NEMP2: variants seen among roughly 807,000 people sequenced by gnomAD.
The protein encoded by NEMP2 is UPF0571 transmembrane protein.
In NEMP2, 53 loss-of-function variants were observed where a neutral mutation model predicts 54.2. The observed-to-expected ratio is 0.98, with a 90% confidence interval of 0.78 to 1.23. NEMP2 has a LOEUF of 1.23. Among genes scored for constraint, NEMP2 ranks in the 50% most tolerant of loss-of-function variants. NEMP2 has a pLI of 0.00. For synonymous variants in NEMP2, 197 were observed against 190.3 expected, an observed-to-expected ratio of 1.04 and a Z score of -0.29; for missense variants, 455 against 511.3, an observed-to-expected ratio of 0.89 and a Z score of 1.06.
At position 190,510,402 on chromosome 2, in the gene NEMP2, A is replaced by G; in HGVS notation, c.1089T>C (p.Phe363=). 1 of 1,551,624 alleles carries G rather than the reference A, an allele frequency of 6.4e-7. No homozygotes were observed. Among genetic ancestry groups the G allele is most frequent in the Middle Eastern group, 1.7e-4 (1 of 5,992 alleles). Residue 363 remains phenylalanine, a synonymous_variant, in exon 8 of 9, where the codon TTT becomes TTC. Transcript: ENST00000409150. The surrounding 1 kb of genome is among the most constrained non-coding windows in gnomAD (Gnocchi z 5.7). ...ELRRACRKPD[F]PSWLVVSRLH... is the part of the protein sequence containing the mutation. ...GTCTGGAGACGACCAGCCATGAGGG[A>G]AAGTCGGGTTTTCGGCAGGCCCGGC...
At chr2:190,537,201 G>A (rs766003307), upstream of NEMP2, among the ~76,000 whole-genome samples, 14 of 152,194 alleles carry the variant, frequency 9.2e-5, no homozygotes, top group Non-Finnish European at 1.3e-4. Flanking sequence ...TAAAAACACC[G>A]TATCAGAAAT....
the NEMP2 span, among the ~76,000 whole-genome samples, chr2:190,494,477 G>A: frequency 4.6e-5 from 7 of 152,216 alleles, no homozygotes; most frequent in South Asian, 2.1e-4. This position sits in a 1 kb window ranked among gnomAD's most constrained non-coding sequence, Gnocchi z 5.7. Context: ...GAGAAAGAGG[G>A]AATCCTCCCT....
chr2:190,445,678 A>C, the NEMP2 span, among the ~76,000 whole-genome samples: 2 of 152,208 alleles, frequency 1.3e-5, no homozygotes, highest in Non-Finnish European at 2.9e-5. Flanking sequence ...TTAGAACATA[A>C]GGTCTTTTTC....
chr2:190,577,136 G>A, the NEMP2 span, among the ~76,000 whole-genome samples: 1 of 151,938 alleles, frequency 6.6e-6, no homozygotes, highest in African/African-American at 2.4e-5. The surrounding 1 kb of genome is among the most constrained non-coding windows in gnomAD (Gnocchi z 4.8). Flanking sequence ...CGTTAGTGGG[G>A]AAAAATGGAA....
chr2:190,482,698 T>C, the NEMP2 span, among the ~76,000 whole-genome samples: 1 of 151,988 alleles, frequency 6.6e-6, no homozygotes, highest in East Asian at 1.9e-4. Flanking sequence ...TACATGCCAT[T>C]TATTTCAGTA....
chr2:190,545,395 T>C, the NEMP2 span, among the ~76,000 whole-genome samples: 2 of 152,252 alleles, frequency 1.3e-5, no homozygotes, highest in East Asian at 3.8e-4. Flanking sequence ...TTTAAGATGA[T>C]TTACAGTGAG....
At chr2:190,588,136 C>T in the NEMP2 span, among the ~76,000 whole-genome samples, 1,327 of 152,124 alleles carry the variant, frequency 8.7e-3, 17 homozygotes, top group African/African-American at 0.03. The surrounding 1 kb of genome is among the most constrained non-coding windows in gnomAD (Gnocchi z 5.0). Flanking sequence ...ATCTTAAATC[C>T]AGTTGGAGAT....
chr2:190,484,551 G>T, the NEMP2 span, among the ~76,000 whole-genome samples: 23 of 152,186 alleles, frequency 1.5e-4, no homozygotes, highest in African/African-American at 5.5e-4. Context: ...CAAGTTTCTA[G>T]GTTGCTTTTT....
chr2:190,437,652 A>C, the NEMP2 span: 1 of 1,432,520 alleles, frequency 7.0e-7, no homozygotes, highest in South Asian at 1.4e-5. The surrounding 1 kb of genome is among the most constrained non-coding windows in gnomAD (Gnocchi z 5.9). Context: ...TTAAGGTATT[A>C]TAATTTGTGT....
chr2:190,426,024 T>A, the NEMP2 span, among the ~76,000 whole-genome samples: 1 of 152,216 alleles, frequency 6.6e-6, no homozygotes, highest in Non-Finnish European at 1.5e-5. This position sits in a 1 kb window ranked among gnomAD's most constrained non-coding sequence, Gnocchi z 4.7. Flanking sequence ...TGATGAGTTT[T>A]GGTGTGGGCA....
chr2:190,616,996 G>C, the NEMP2 span: 3 of 151,818 alleles, frequency 2.0e-5, no homozygotes, highest in Non-Finnish European at 4.4e-5. The surrounding 1 kb of genome is among the most constrained non-coding windows in gnomAD (Gnocchi z 5.1). Context: ...GTGGTGGCTC[G>C]TACCTGTAGT....
the NEMP2 span, among the ~76,000 whole-genome samples, chr2:190,432,845 C>T: frequency 1.3e-5 from 2 of 148,718 alleles, no homozygotes; most frequent in African/African-American, 5.0e-5. Flanking sequence ...CACACACTCT[C>T]TCTCTCTCTC....
the NEMP2 span, chr2:190,477,332 TTTA>T: frequency 1.8e-5 from 18 of 984,690 alleles, no homozygotes; most frequent in Non-Finnish European, 2.2e-5. Flanking sequence ...GCTTAATTGC[TTTA>T]TTTATTGGTA....
chr2:190,422,311 T>TTGTCATTCCTGGGATCTCCAGTTC, the NEMP2 span, among the ~76,000 whole-genome samples: 2 of 152,286 alleles, frequency 1.3e-5, no homozygotes, highest in South Asian at 4.2e-4. Flanking sequence ...CCCTTCAAAG[T>TTGTCATTCCTGGGATCTCCAGTTC]TGTCATTCCT....
the NEMP2 span, among the ~76,000 whole-genome samples, chr2:190,570,843 T>G: frequency 6.6e-6 from 1 of 152,200 alleles, no homozygotes; most frequent in Non-Finnish European, 1.5e-5. The surrounding 1 kb of genome is among the most constrained non-coding windows in gnomAD (Gnocchi z 5.4). Context: ...TTTACATGTT[T>G]TAGTAACTGC....
Position 190,523,510 on chromosome 2 carries a change from A to G in NEMP2, c.213+1753T>C, listed in dbSNP as rs1187700325. Among the ~76,000 whole-genome samples the G allele has an allele frequency of 6.6e-6, 1 of 152,212 alleles. No homozygotes were observed. Among genetic ancestry groups the G allele is most frequent in the African/African-American group, 2.4e-5 (1 of 41,458 alleles). On this transcript the variant is annotated intron_variant, in intron 2 of 8. Coordinates refer to ENST00000409150, the MANE Select transcript of NEMP2 (RefSeq NM_001142645.2). This position sits in a 1 kb window ranked among gnomAD's most constrained non-coding sequence, Gnocchi z 5.3. ...AGAACTCACGGTTTCTAATAGGTAG[A>G]TATAGATGTATGTGCAGGCCTATGC...
chr2:190,548,751 C>A, the NEMP2 span, among the ~76,000 whole-genome samples: 2 of 152,258 alleles, frequency 1.3e-5, no homozygotes, highest in African/African-American at 4.8e-5. Flanking sequence ...GAAAGCTATA[C>A]AAAAATAAAT....
upstream of NEMP2, among the ~76,000 whole-genome samples, chr2:190,537,955 T>TA (rs1482831227): frequency 1.3e-5 from 2 of 152,112 alleles, no homozygotes; most frequent in Non-Finnish European, 2.9e-5. Flanking sequence ...GCCAAGCACA[T>TA]ACAACAAATG....
chr2:190,592,860 T>C, the NEMP2 span, among the ~76,000 whole-genome samples: 1 of 152,230 alleles, frequency 6.6e-6, no homozygotes, highest in Non-Finnish European at 1.5e-5. This position sits in a 1 kb window ranked among gnomAD's most constrained non-coding sequence, Gnocchi z 4.4. Flanking sequence ...GAAGACATAC[T>C]TCTGTATTAA....
Sources: gnomAD v4.1 joint callset for allele counts (sites outside exome capture counted in the v4.1 genomes callset) on GRCh38, gnomAD v4.1.1 for gene constraint, Gnocchi (gnomAD v3.1) non-coding constraint, MANE v1.5 for transcripts, NCBI Gene and HGNC (gene_info 2026-07-23, HGNC 2026-07-21) for gene names.